DYNC2H1: variants seen among roughly 807,000 people sequenced by gnomAD.
The protein encoded by DYNC2H1 is dynein cytoplasmic 2 heavy chain 1, also known as cytoplasmic dynein 2 heavy chain 1.
DYNC2H1 carries 410 observed loss-of-function variants against 570.0 expected under a neutral mutation model. That is an observed-to-expected ratio of 0.72 (90% CI 0.66 to 0.78). The LOEUF (loss-of-function observed/expected upper bound fraction) is 0.78, where lower values mean the gene tolerates loss of function less well. Ranked by LOEUF, DYNC2H1 falls within the 30% of genes least tolerant of loss-of-function variation. DYNC2H1 has a pLI of 0.00. For missense variants in DYNC2H1, 4,865 were observed against 5,046.4 expected (o/e 0.96, Z 1.09); for synonymous variants, 1,688 against 1,677.6 (o/e 1.01, Z -0.15).
Position 103,479,674 on chromosome 11 carries a change from G to C in DYNC2H1, c.*421G>C, listed in dbSNP as rs557205237. ...TACATACTGAAGAATGTATTATAAA[G>C]TTATAATGAATGTATAAAAGTATCA... On this transcript the variant is annotated 3_prime_UTR_variant, in exon 89 of 89. Transcript: ENST00000375735. 1.3e-5 allele frequency: 2 copies of C among 152,686 alleles called. No individual in the cohort carries two copies. The highest frequency in any genetic ancestry group is 4.8e-5 in the African/African-American group (2 of 41,504). The allele number at this position is 152,686 out of a possible 1,614,324, so 9.5% of individuals were successfully genotyped here. A position where few individuals can be genotyped will look rare whatever the true frequency, so the allele number is the denominator to read the frequency against.
intron 83 of DYNC2H1, among the ~76,000 whole-genome samples, chr11:103,384,435 C>G (rs1486888028): frequency 6.6e-6 from 1 of 152,004 alleles, no homozygotes; most frequent in Non-Finnish European, 1.5e-5. Context: ...TGGATTATGC[C>G]TGATCTATAA....
chr11:103,375,053 G>A (rs770076373), intron 83 of DYNC2H1, among the ~76,000 whole-genome samples: 4 of 152,168 alleles, frequency 2.6e-5, no homozygotes, highest in African/African-American at 7.2e-5. Flanking sequence ...CCCTTGCTGT[G>A]TGCAGCCTTG....
intron 84 of DYNC2H1, among the ~76,000 whole-genome samples, chr11:103,413,886 T>C (rs1208950498): frequency 6.6e-6 from 1 of 152,240 alleles, no homozygotes; most frequent in Non-Finnish European, 1.5e-5. Flanking sequence ...GAATACACTT[T>C]CTCTTTTTTA....
chr11:103,290,194 T>TG (rs1866537181), intron 75 of DYNC2H1, among the ~76,000 whole-genome samples: 1 of 151,870 alleles, frequency 6.6e-6, no homozygotes, highest in Admixed American at 6.6e-5. Context: ...TTTTTTTGGG[T>TG]TGGGGGGAGA....
intron 84 of DYNC2H1, among the ~76,000 whole-genome samples, chr11:103,401,352 T>C (rs554406581): frequency 1.2e-4 from 19 of 152,184 alleles, no homozygotes; most frequent in African/African-American, 4.6e-4. Context: ...TTAAGACAAA[T>C]TGCTGTTGAA....
rs1366763719 is a variant in DYNC2H1 at position 103,243,201 on chromosome 11, A to G, written c.9820-492A>G. 6.6e-6 allele frequency among the ~76,000 whole-genome samples: 1 copy of G among 152,110 alleles called. No homozygotes were observed. The highest frequency in any genetic ancestry group is 1.5e-5 in the Non-Finnish European group (1 of 68,034). On this transcript the variant is annotated intron_variant, in intron 63 of 88. Coordinates refer to ENST00000375735, the MANE Select transcript of DYNC2H1 (RefSeq NM_001377.3). This position sits in a 1 kb window ranked among gnomAD's most constrained non-coding sequence, Gnocchi z 4.8. ...TATATTGATAATTAGCAGTGTTTTA[A>G]TGATTTGCTCATACTTCTTTTTATG...
chr11:103,113,206 C>T (rs907321050), intron 1 of DYNC2H1, among the ~76,000 whole-genome samples: 3 of 152,108 alleles, frequency 2.0e-5, no homozygotes, highest in Non-Finnish European at 4.4e-5. Context: ...TGTACTATTA[C>T]TGATTCTGGC....
chr11:103,225,500 G>A (rs530326464), intron 59 of DYNC2H1, among the ~76,000 whole-genome samples: 2 of 152,018 alleles, frequency 1.3e-5, no homozygotes, highest in Non-Finnish European at 2.9e-5. Flanking sequence ...ACCATTGGTT[G>A]AATAGGGCAT....
chr11:103,349,473 A>G (rs961616615), intron 82 of DYNC2H1, among the ~76,000 whole-genome samples: 2 of 152,114 alleles, frequency 1.3e-5, no homozygotes, highest in East Asian at 3.8e-4. Flanking sequence ...TCAGGGTGCG[A>G]CAAAGTATCA....
At chr11:103,117,884 A>C (rs755390055) in intron 6 of DYNC2H1, 21 bp downstream of exon 6, 1 of 1,575,016 alleles carries the variant, frequency 6.3e-7, no homozygotes, top group Non-Finnish European at 8.7e-7. Context: ...GATTATCTAG[A>C]TCTTTGTCTT....
At position 103,131,310 on chromosome 11, in the gene DYNC2H1, T is replaced by C. The variant is rs536839973; in HGVS notation, c.1954-2245T>C. Reference sequence around the variant, plus strand: ...TACTTATCCCAATATTCTTTTTTTTTTGAGATGGAGTCTAGCTCTGTCGCC... The same window carrying C: ...TACTTATCCCAATATTCTTTTTTTTCTGAGATGGAGTCTAGCTCTGTCGCC... On this transcript the variant is annotated intron_variant, in intron 13 of 88. Transcript: ENST00000375735. 3.9e-5 allele frequency among the ~76,000 whole-genome samples: 6 copies of C among 152,308 alleles called. No homozygotes were observed. The South Asian group carries it at 8.3e-4, about 21-fold the overall frequency.
At chr11:103,213,697 G>T (rs572254574) in intron 54 of DYNC2H1, among the ~76,000 whole-genome samples, 51 of 151,514 alleles carry the variant, frequency 3.4e-4, no homozygotes, top group African/African-American at 1.1e-3. Context: ...TTGTTCAGTT[G>T]TTTGAATTTC....
intron 87 of DYNC2H1, among the ~76,000 whole-genome samples, chr11:103,458,437 G>A (rs1049580588): frequency 6.6e-6 from 1 of 151,998 alleles, no homozygotes; most frequent in African/African-American, 2.4e-5. Flanking sequence ...ATTAAGTGAT[G>A]TATGACTGTA....
At chr11:103,274,472 T>C (rs1317478521) in intron 70 of DYNC2H1, among the ~76,000 whole-genome samples, 1 of 152,038 alleles carries the variant, frequency 6.6e-6, no homozygotes, top group Non-Finnish European at 1.5e-5. Context: ...ATTGTCTTAT[T>C]TATCTTTATC....
chr11:103,192,486 G>T (rs1292222452), intron 47 of DYNC2H1, among the ~76,000 whole-genome samples: 1 of 151,878 alleles, frequency 6.6e-6, no homozygotes, highest in Admixed American at 6.6e-5. Flanking sequence ...AAAAGTTCAG[G>T]CCATACTGTT....
intron 81 of DYNC2H1, among the ~76,000 whole-genome samples, chr11:103,321,993 C>T (rs1424405476): frequency 6.6e-6 from 1 of 151,870 alleles, no homozygotes; most frequent in Non-Finnish European, 1.5e-5. Flanking sequence ...AAGAAAAATC[C>T]TTCATTTGGC....
Position 103,241,483 on chromosome 11 carries a change from C to T in DYNC2H1, c.9820-2210C>T, listed in dbSNP as rs779253713. ...TTAAGCATGTTTTCTTTGCTAAAAA[C>T]ATTTTGAAATGTTACCTTTCTTCTT... On this transcript the variant is annotated intron_variant, in intron 63 of 88. Coordinates refer to ENST00000375735, the MANE Select transcript of DYNC2H1 (RefSeq NM_001377.3). The surrounding 1 kb of genome is among the most constrained non-coding windows in gnomAD (Gnocchi z 5.1). 65 of 1,568,878 alleles carry T rather than the reference C, an allele frequency of 4.1e-5. No individual in the cohort carries two copies. The highest frequency in any genetic ancestry group is 4.9e-5 in the Non-Finnish European group (56 of 1,145,834).
chr11:103,438,240 T>C (rs1944132649), intron 85 of DYNC2H1, among the ~76,000 whole-genome samples: 1 of 152,066 alleles, frequency 6.6e-6, no homozygotes, highest in Admixed American at 6.6e-5. Context: ...TATATAGATA[T>C]CCATCTCCCT....
rs1466918575 is a variant in DYNC2H1 at position 103,173,125 on chromosome 11, C to T, written c.5378C>T (p.Pro1793Leu). ...TCTGGAATTTTTATCACTATGAATC[C>T]TGCTGGAAAAGGTTATGGAGGAAGA... Reference protein sequence around the residue: ...SNSGIFITMNPAGKGYGGRQK... With the variant: ...SNSGIFITMNLAGKGYGGRQK... The change falls in exon 35 of 89, where the codon CCT becomes CTT. Residue 1793 changes from proline (P) to leucine (L), a missense_variant. Transcript: ENST00000375735. 1.3e-6 allele frequency: 2 copies of T among 1,491,508 alleles called. No individual in the cohort carries two copies. Among genetic ancestry groups the T allele is most frequent in the South Asian group, 2.9e-5 (2 of 69,868 alleles). The allele number at this position is 1,491,508 out of a possible 1,614,324, so 92.4% of individuals were successfully genotyped here. A position where few individuals can be genotyped will look rare whatever the true frequency, so the allele number is the denominator to read the frequency against.
Sources: allele counts gnomAD v4.1 joint callset (sites outside exome capture counted in the v4.1 genomes callset), GRCh38; gene constraint gnomAD v4.1.1; non-coding constraint Gnocchi (gnomAD v3.1); transcripts MANE v1.5; gene names NCBI Gene and HGNC (gene_info 2026-07-23, HGNC 2026-07-21).